The following SLC8A1 variants were observed in gnomAD, a reference collection of about 807,000 sequenced individuals.
SLC8A1 encodes the protein sodium/calcium exchanger 1.
SLC8A1 carries 18 observed loss-of-function variants against 68.3 expected under a neutral mutation model. The ratio of observed to expected loss-of-function variants is 0.26; its 90% CI spans 0.18 to 0.39. The LOEUF (loss-of-function observed/expected upper bound fraction) is 0.39. Among genes scored for constraint, SLC8A1 ranks in the 10% least tolerant of loss-of-function variants. The probability of loss-of-function intolerance (pLI) is 1.00; values close to 1 mark genes in which losing one functional copy is unlikely to be tolerated. For missense variants in SLC8A1, 985 were observed against 1,156.7 expected (o/e 0.85, Z 2.15); for synonymous variants, 475 against 415.5 (o/e 1.14, Z -1.74).
intron 2 of SLC8A1, among the ~76,000 whole-genome samples, chr2:40,195,092 G>T (rs1214503567): frequency 6.6e-6 from 1 of 152,112 alleles, no homozygotes; most frequent in African/African-American, 2.4e-5. Flanking sequence ...CAAAGGGACT[G>T]ATCACAAGAA....
chr2:40,312,876 T>C (rs1348330769), intron 2 of SLC8A1, among the ~76,000 whole-genome samples: 2 of 152,122 alleles, frequency 1.3e-5, no homozygotes, highest in East Asian at 1.9e-4. Flanking sequence ...ACAGCTTTAT[T>C]TGATGTATCA....
intron 2 of SLC8A1, among the ~76,000 whole-genome samples, chr2:40,207,783 G>C (rs957927685): frequency 1.3e-5 from 2 of 152,034 alleles, no homozygotes; most frequent in Non-Finnish European, 2.9e-5. Flanking sequence ...GTGTTAAGTT[G>C]GTGAAACAAC....
chr2:40,113,688 C>G (rs2034861414), exon 8 of SLC8A1: 1 of 152,666 alleles, frequency 6.6e-6, no homozygotes, highest in African/African-American at 2.4e-5. Context: ...TATCTACCAT[C>G]TGTGCCAGAC....
chr2:40,428,747 C>A (rs746331835), exon 2 of SLC8A1: 1 of 1,613,790 alleles, frequency 6.2e-7, no homozygotes, highest in Non-Finnish European at 8.5e-7. Context: ...ACATGATTGG[C>A]TTCCAGTATG....
intron 2 of SLC8A1, among the ~76,000 whole-genome samples, chr2:40,247,997 T>A (rs1286417635): frequency 6.6e-6 from 1 of 152,194 alleles, no homozygotes; most frequent in Admixed American, 6.5e-5. Context: ...TGAACTCAAA[T>A]GTGATGTTAG....
chr2:40,458,855 C>G (rs1703176824), intron 1 of SLC8A1, among the ~76,000 whole-genome samples: 1 of 152,070 alleles, frequency 6.6e-6, no homozygotes, highest in East Asian at 1.9e-4. Context: ...TTCTTGTATT[C>G]TTATTTATTA....
chr2:40,367,802 C>G (rs906350909), intron 2 of SLC8A1, among the ~76,000 whole-genome samples: 2 of 152,036 alleles, frequency 1.3e-5, no homozygotes, highest in African/African-American at 4.8e-5. Context: ...CCTAGGATTA[C>G]ACTAGCTTTG....
intron 2 of SLC8A1, among the ~76,000 whole-genome samples, chr2:40,401,772 T>A (rs971141649): frequency 6.6e-6 from 1 of 152,122 alleles, no homozygotes; most frequent in Non-Finnish European, 1.5e-5. Context: ...TACTTTTATA[T>A]ATTGATCTTA....
intron 1 of SLC8A1, among the ~76,000 whole-genome samples, chr2:40,495,772 A>T (rs1195108155): frequency 6.6e-6 from 1 of 152,072 alleles, no homozygotes; most frequent in Non-Finnish European, 1.5e-5. Context: ...TGGAACTTGT[A>T]GCCAGGACTC....
chr2:40,115,307 G>C lies in SLC8A1; in HGVS notation c.2760C>G (p.Leu920=), dbSNP rs565957373. 2.3e-5 allele frequency: 37 copies of C among 1,614,072 alleles called. No individual in the cohort carries two copies. In the East Asian group the frequency reaches 8.2e-4, roughly 36 times the overall value. Residue 920 remains leucine (L), a synonymous_variant, in exon 8 of 8, where the codon CTC becomes CTG. Coordinates refer to ENST00000406785, the Ensembl canonical transcript of SLC8A1. ...CCAGGGAGGAGAAGAAAATGTACAA[G>C]AGCCATAGGAGCACAAAGAGGCAGG...
At chr2:40,148,381 C>T (rs542473082) in intron 6 of SLC8A1, among the ~76,000 whole-genome samples, 1 of 152,316 alleles carries the variant, frequency 6.6e-6, no homozygotes, top group Admixed American at 6.5e-5. Flanking sequence ...ACAGCAATGA[C>T]AATAACACTC....
At chr2:40,106,634 G>A (rs1463128754) in exon 8 of SLC8A1, 1 of 152,106 alleles carries the variant, frequency 6.6e-6, no homozygotes, top group African/African-American at 2.4e-5. Context: ...TAAAAACCTT[G>A]TTCTCCTTAG....
At chr2:40,352,091 A>G (rs1317912535) in intron 2 of SLC8A1, among the ~76,000 whole-genome samples, 1 of 152,162 alleles carries the variant, frequency 6.6e-6, no homozygotes, top group Non-Finnish European at 1.5e-5. Flanking sequence ...GTAACAAGCT[A>G]TTTCCTATGG....
At chr2:40,292,649 T>G (rs1447745025) in intron 2 of SLC8A1, among the ~76,000 whole-genome samples, 1 of 152,198 alleles carries the variant, frequency 6.6e-6, no homozygotes, top group East Asian at 1.9e-4. Context: ...ATTAAATCAG[T>G]AAGACCTTGG....
At chr2:40,320,970 A>AT (rs1559230340) in intron 2 of SLC8A1, among the ~76,000 whole-genome samples, 2 of 152,062 alleles carry the variant, frequency 1.3e-5, no homozygotes, top group Non-Finnish European at 2.9e-5. Flanking sequence ...CACTCTAACC[A>AT]TGCAGGCGGG....
chr2:40,390,404 G>A (rs982522788), intron 2 of SLC8A1, among the ~76,000 whole-genome samples: 2 of 152,010 alleles, frequency 1.3e-5, no homozygotes, highest in Non-Finnish European at 2.9e-5. Context: ...CCTGCTTCCT[G>A]CTAATTATTC....
chr2:40,193,250 G>A (rs910016806), intron 2 of SLC8A1, among the ~76,000 whole-genome samples: 1 of 152,166 alleles, frequency 6.6e-6, no homozygotes, highest in Non-Finnish European at 1.5e-5. Context: ...GGAAGGGCAA[G>A]ATGAATTTAT....
intron 1 of SLC8A1, among the ~76,000 whole-genome samples, chr2:40,472,817 A>G (rs1704068964): frequency 6.6e-6 from 1 of 152,208 alleles, no homozygotes; most frequent in South Asian, 2.1e-4. Context: ...TGTGAGAGAT[A>G]ATTCATGCAA....
intron 1 of SLC8A1, among the ~76,000 whole-genome samples, chr2:40,511,551 C>A (rs1706726546): frequency 6.6e-6 from 1 of 152,282 alleles, no homozygotes; most frequent in Non-Finnish European, 1.5e-5. Context: ...CATATTCACA[C>A]TTTTACCTTG....
Sources: allele counts gnomAD v4.1 joint callset (sites outside exome capture counted in the v4.1 genomes callset), GRCh38; gene constraint gnomAD v4.1.1; transcripts MANE v1.5; gene names NCBI Gene and HGNC (gene_info 2026-07-23, HGNC 2026-07-21).